ALK: variants seen among roughly 807,000 people sequenced by gnomAD.
ALK encodes ALK tyrosine kinase receptor.
A neutral mutation model predicts 163.1 loss-of-function variants in ALK; 74 were observed. The ratio of observed to expected loss-of-function variants is 0.45; its 90% confidence interval spans 0.38 to 0.55. The LOEUF (loss-of-function observed/expected upper bound fraction) is 0.55, where lower values mean the gene tolerates loss of function less well. ALK is among the 20% of genes least tolerant of loss of function. The pLI, the probability that ALK is intolerant of heterozygous loss-of-function variation, is 0.00. For synonymous variants in ALK, 960 were observed against 843.2 expected, an observed-to-expected ratio of 1.14 and a Z score of -2.40; for missense variants, 2,063 against 2,105.3, an observed-to-expected ratio of 0.98 and a Z score of 0.39.
intron 1 of ALK, among the ~76,000 whole-genome samples, chr2:29,771,746 G>A (rs1313798032): frequency 6.6e-6 from 1 of 152,102 alleles, no homozygotes. Context: ...GTGTTAGCCA[G>A]GATGGTCTCG....
rs1677958614 is a variant in ALK at position 29,678,436 on chromosome 2, T to C, written c.952+16414A>G. ...TTTTTCTAATATAGGCATTCAAAGC[T>C]ATACTTTTTTTTCTCTGAGCACTTT... On this transcript the variant is annotated intron_variant, in intron 3 of 28. Coordinates refer to ENST00000389048, the MANE Select transcript of ALK (RefSeq NM_004304.5). 3.3e-5 allele frequency among the ~76,000 whole-genome samples: 5 copies of C among 151,686 alleles called. No homozygotes were observed. The South Asian group carries it at 8.3e-4, about 25-fold the overall frequency.
In ALK at chr2:29,318,502, A is replaced by T; in HGVS notation, c.1547-98T>A. The stretch of plus-strand genomic sequence containing the variant: ...ACTGTGCACAGTTCTTATCTAGCCT[A>T]GGGATATCTTTGAGGAAACAGGTTT... On this transcript the variant is annotated intron_variant, in intron 7 of 28. Coordinates refer to ENST00000389048, the MANE Select transcript of ALK (RefSeq NM_004304.5). 3.5e-6 allele frequency: 3 copies of T among 847,054 alleles called. No homozygotes were observed. In the South Asian group the frequency reaches 4.2e-5, roughly 12 times the overall value. 52.5% of individuals were successfully genotyped at this position (847,054 alleles called of 1,614,324 possible). A position where few individuals can be genotyped will look rare whatever the true frequency, so the allele number is the denominator to read the frequency against.
At chr2:29,914,088 A>G (rs1214390704) in intron 1 of ALK, among the ~76,000 whole-genome samples, 3 of 152,186 alleles carry the variant, frequency 2.0e-5, no homozygotes. Flanking sequence ...TGTAGGAAAA[A>G]AGAACTGGAT....
rs534486675 is a variant in ALK at position 29,327,884 on chromosome 2, C to T, written c.1414+466G>A. On this transcript the variant is annotated intron_variant, in intron 6 of 28. Transcript: ENST00000389048. ...GGCGAGTCTTGAAGTAGATGTGACT[C>T]GAGAAAGGAAAGGGGAGACCATGTG... Among the ~76,000 whole-genome samples, 21 of 151,974 alleles carry T rather than the reference C, an allele frequency of 1.4e-4. 1 individual carries two copies. The South Asian group carries it at 3.1e-3, about 23-fold the overall frequency.
intron 4 of ALK, among the ~76,000 whole-genome samples, chr2:29,506,124 G>A (rs1048059635): frequency 3.3e-5 from 5 of 152,148 alleles, no homozygotes; most frequent in Admixed American, 6.5e-5. Context: ...GAGGCTCTAC[G>A]TAAGTCTCTG....
chr2:29,398,721 C>T (rs941875981), intron 4 of ALK, among the ~76,000 whole-genome samples: 3 of 152,064 alleles, frequency 2.0e-5, no homozygotes, highest in East Asian at 3.9e-4. Flanking sequence ...CAGCATTCTC[C>T]GAGGTCAGAG....
At chr2:29,286,743 A>G (rs1240457374) in intron 9 of ALK, 1 of 152,176 alleles carries the variant, frequency 6.6e-6, no homozygotes, top group East Asian at 1.9e-4. Flanking sequence ...TTGGGAATGA[A>G]ACATTCATAC....
Position 29,275,082 on chromosome 2 carries a change from G to T in ALK, c.2041+17C>A. 6.2e-7 allele frequency: 1 copy of T among 1,613,878 alleles called. No individual in the cohort carries two copies. The highest frequency in any genetic ancestry group is 8.5e-7 in the Non-Finnish European group (1 of 1,179,998). On this transcript the variant is annotated intron_variant, in intron 11 of 28. Coordinates refer to ENST00000389048, the MANE Select transcript of ALK (RefSeq NM_004304.5). ...ACAAGAAGTTACTGTGCTCACATTTGTGAGCTGAACCCTTACCTGTAGGGT... is the reference window on the plus strand; with the variant it reads ...ACAAGAAGTTACTGTGCTCACATTTTTGAGCTGAACCCTTACCTGTAGGGT...
Position 29,724,661 on chromosome 2 carries a change from C to T in ALK, c.668-6964G>A, listed in dbSNP as rs377018752. Among the ~76,000 whole-genome samples the T allele has an allele frequency of 4.6e-5, 7 of 152,324 alleles. No individual in the cohort carries two copies. The East Asian group carries it at 1.2e-3, about 25-fold the overall frequency. ...AAACATATAGCCCTCCCCATACCTT[C>T]TCTAGGCCTGGAAAATGAGCGGTTT... On this transcript the variant is annotated intron_variant, in intron 1 of 28. Transcript: ENST00000389048.
chr2:29,298,389 T>A (rs1010312872), intron 8 of ALK, among the ~76,000 whole-genome samples: 1 of 152,228 alleles, frequency 6.6e-6, no homozygotes, highest in African/African-American at 2.4e-5. Context: ...ATTTCAACTC[T>A]ACCCCTGCTA....
intron 5 of ALK, among the ~76,000 whole-genome samples, chr2:29,357,371 G>A (rs191352919): frequency 1.5e-4 from 23 of 152,220 alleles, no homozygotes; most frequent in Non-Finnish European, 2.8e-4. Context: ...TCCCCCGCTG[G>A]CAGGGCTCAG....
chr2:29,414,151 T>G (rs1355113133), intron 4 of ALK, among the ~76,000 whole-genome samples: 1 of 152,250 alleles, frequency 6.6e-6, no homozygotes, highest in Non-Finnish European at 1.5e-5. Flanking sequence ...TTTAACTTCA[T>G]TATAGTCTTA....
chr2:29,236,035 A>ATTTT (rs1664370697), intron 13 of ALK, among the ~76,000 whole-genome samples: 1 of 129,384 alleles, frequency 7.7e-6, no homozygotes. Flanking sequence ...TTTTTTTTAG[A>ATTTT]TACAGGGTCT....
chr2:29,851,316 T>C (rs550393875), intron 1 of ALK, among the ~76,000 whole-genome samples: 1 of 152,184 alleles, frequency 6.6e-6, no homozygotes, highest in Non-Finnish European at 1.5e-5. Flanking sequence ...AGCTGGCTGC[T>C]TCCTTTCATT....
At chr2:29,847,067 C>T (rs971160102) in intron 1 of ALK, among the ~76,000 whole-genome samples, 1 of 152,158 alleles carries the variant, frequency 6.6e-6, no homozygotes, top group Admixed American at 6.5e-5. Context: ...TCCAGGTGGC[C>T]TCCACCAGCA....
At chr2:29,531,321 G>C (rs776330135) in intron 4 of ALK, among the ~76,000 whole-genome samples, 2 of 152,056 alleles carry the variant, frequency 1.3e-5, no homozygotes, top group Non-Finnish European at 2.9e-5. Context: ...TGTCACTACC[G>C]CAGAGGCCTG....
rs80295250 is a variant in ALK, at chr2:29,600,240, C to T, written c.953-68124G>A. On this transcript the variant is annotated intron_variant, in intron 3 of 28. Transcript: ENST00000389048. ...AGCTCATAAACCAAAAATTCTCAAG[C>T]CTGTGGGAGAGTAACACCACAAAAG... Among the ~76,000 whole-genome samples the T allele has an allele frequency of 3.0e-3, 449 of 152,174 alleles. 5 individuals carry two copies. In the Middle Eastern group the frequency reaches 0.034, roughly 12 times the overall value.
intron 3 of ALK, among the ~76,000 whole-genome samples, chr2:29,580,361 C>T (rs971562454): frequency 7.2e-5 from 11 of 152,166 alleles, no homozygotes; most frequent in African/African-American, 2.7e-4. Flanking sequence ...CAGATGCACT[C>T]GCTTCGGTGT....
At chr2:29,850,467 A>G (rs1665961317) in intron 1 of ALK, among the ~76,000 whole-genome samples, 1 of 152,236 alleles carries the variant, frequency 6.6e-6, no homozygotes, top group African/African-American at 2.4e-5. Context: ...CTTCTATAAA[A>G]AGGTTTAAAA....
Sources: allele counts gnomAD v4.1 joint callset (sites outside exome capture counted in the v4.1 genomes callset), GRCh38; gene constraint gnomAD v4.1.1; transcripts MANE v1.5; gene names NCBI Gene and HGNC (gene_info 2026-07-23, HGNC 2026-07-21).